NRXN1: variants seen among roughly 807,000 people sequenced by gnomAD.
NRXN1 encodes the protein neurexin-1.
In NRXN1, 39 loss-of-function variants were observed where a neutral mutation model predicts 150.9. The ratio of observed to expected loss-of-function variants is 0.26; its 90% CI spans 0.20 to 0.34. The LOEUF (loss-of-function observed/expected upper bound fraction) is 0.34, where lower values mean the gene tolerates loss of function less well. Ranked by LOEUF, NRXN1 falls within the 10% of genes least tolerant of loss-of-function variation. NRXN1 has a pLI of 1.00. For missense variants in NRXN1, 1,815 were observed against 1,949.9 expected (o/e 0.93, Z 1.30); for synonymous variants, 924 against 757.0 (o/e 1.22, Z -3.62).
chr2:49,924,360 A>AT (rs1394700742), intron 22 of NRXN1, among the ~76,000 whole-genome samples: 1 of 152,202 alleles, frequency 6.6e-6, no homozygotes, highest in African/African-American at 2.4e-5. Context: ...AAATTTGAGA[A>AT]TTTTAATGGA....
At chr2:50,095,511 A>G (rs1014749438) in intron 18 of NRXN1, among the ~76,000 whole-genome samples, 15 of 152,198 alleles carry the variant, frequency 9.9e-5, no homozygotes, top group Non-Finnish European at 1.9e-4. Flanking sequence ...GCCTATTTTC[A>G]TCAGAGTATT....
intron 17 of NRXN1, among the ~76,000 whole-genome samples, chr2:50,454,681 C>T (rs1240938705): frequency 5.3e-5 from 8 of 151,572 alleles, no homozygotes; most frequent in Non-Finnish European, 1.0e-4. Context: ...CACACACACA[C>T]ACACACACAC....
At chr2:50,609,170 G>T (rs1677619340) in intron 8 of NRXN1, among the ~76,000 whole-genome samples, 1 of 152,130 alleles carries the variant, frequency 6.6e-6, no homozygotes, top group East Asian at 1.9e-4. Context: ...AAAGCTCTTA[G>T]AACAATTAAA....
chr2:50,866,362 C>T (rs1035528855), intron 5 of NRXN1, among the ~76,000 whole-genome samples: 9 of 151,826 alleles, frequency 5.9e-5, no homozygotes, highest in African/African-American at 1.4e-4. Flanking sequence ...TACTATCTTA[C>T]GACAGCTTTT....
intron 2 of NRXN1, among the ~76,000 whole-genome samples, chr2:50,994,169 C>G (rs1698945017): frequency 3.3e-5 from 5 of 151,962 alleles, no homozygotes; most frequent in Admixed American, 3.3e-4. Context: ...ATAATCCAAT[C>G]AGTCTTATAG....
At chr2:50,401,982 A>T (rs2082419714) in intron 17 of NRXN1, among the ~76,000 whole-genome samples, 1 of 152,096 alleles carries the variant, frequency 6.6e-6, no homozygotes, top group Non-Finnish European at 1.5e-5. Flanking sequence ...GAAAAATCCC[A>T]GTAGAGTGAA....
intron 17 of NRXN1, among the ~76,000 whole-genome samples, chr2:50,261,241 G>C (rs1177798530): frequency 6.6e-6 from 1 of 151,622 alleles, no homozygotes; most frequent in Non-Finnish European, 1.5e-5. Flanking sequence ...CATTACCCTA[G>C]GCCAAATTTG....
rs1190594569 is a variant in NRXN1, at chr2:51,028,015, C to T, written c.259G>A (p.Gly87Ser). The change falls in exon 2 of 23, where the codon GGC becomes AGC. Residue 87 changes from glycine (G) to serine (S), a missense_variant. Gly to Ser is a moderately conservative substitution (Grantham distance 56). Transcript: ENST00000401669. ...DFLELILTRGGRLQLSFSIFC... is the reference protein window; with the variant it reads ...DFLELILTRGSRLQLSFSIFC... ...ATGGAGAAGCTGAGCTGCAGGCGGC[C>T]GCCGCGCGTCAGAATCAGCTCCAGG... The T allele has an allele frequency of 1.3e-6, 2 of 1,599,322 alleles. No individual in the cohort carries two copies. Among genetic ancestry groups the T allele is most frequent in the Non-Finnish European group, 1.7e-6 (2 of 1,177,684 alleles).
intron 21 of NRXN1, among the ~76,000 whole-genome samples, chr2:50,011,248 A>G (rs1685614171): frequency 6.6e-6 from 1 of 152,160 alleles, no homozygotes; most frequent in African/African-American, 2.4e-5. Context: ...ATTAAATGCA[A>G]TGTCTTTTTA....
At chr2:50,800,554 G>GA (rs1250982494) in intron 5 of NRXN1, among the ~76,000 whole-genome samples, 1 of 151,888 alleles carries the variant, frequency 6.6e-6, no homozygotes, top group Admixed American at 6.6e-5. Flanking sequence ...AATTAATAAT[G>GA]AATTTTTTTT....
chr2:50,183,754 T>C (rs1322796828), intron 18 of NRXN1, among the ~76,000 whole-genome samples: 1 of 151,246 alleles, frequency 6.6e-6, no homozygotes, highest in East Asian at 1.9e-4. Context: ...CAAAGGATTA[T>C]TTGGCTCAAC....
chr2:50,191,825 T>C (rs2061464456), intron 18 of NRXN1, among the ~76,000 whole-genome samples: 2 of 152,216 alleles, frequency 1.3e-5, no homozygotes, highest in South Asian at 4.1e-4. Context: ...ACACTGTGCA[T>C]AACACATTTT....
chr2:50,250,948 G>A (rs2681994), intron 17 of NRXN1, among the ~76,000 whole-genome samples: 1 of 148,474 alleles, frequency 6.7e-6, no homozygotes, highest in Non-Finnish European at 1.5e-5. Flanking sequence ...ATTACATATG[G>A]CATATGTAAT....
chr2:50,619,002 C>T (rs1448514792), intron 8 of NRXN1: 2 of 152,030 alleles, frequency 1.3e-5, no homozygotes, highest in Non-Finnish European at 2.9e-5. Context: ...TATACATCCA[C>T]ATACTGGGCA....
chr2:50,823,090 C>A (rs1402160147), intron 5 of NRXN1, among the ~76,000 whole-genome samples: 1 of 152,106 alleles, frequency 6.6e-6, no homozygotes, highest in Non-Finnish European at 1.5e-5. Flanking sequence ...ATTACGATTC[C>A]AGGAACCTCT....
intron 18 of NRXN1, among the ~76,000 whole-genome samples, chr2:50,117,548 G>A (rs1375225366): frequency 6.6e-6 from 1 of 152,082 alleles, no homozygotes; most frequent in Non-Finnish European, 1.5e-5. Flanking sequence ...CTATAATACA[G>A]AATAGACAAA....
intron 5 of NRXN1, among the ~76,000 whole-genome samples, chr2:50,816,519 G>T (rs1009341435): frequency 6.6e-6 from 1 of 152,064 alleles, no homozygotes; most frequent in Non-Finnish European, 1.5e-5. Context: ...AACTTGACAT[G>T]GTTAAAAAGC....
In NRXN1 at chr2:50,620,199, C is replaced by T; in HGVS notation, c.1159-16G>A. 1 of 1,612,640 alleles carries T rather than the reference C, an allele frequency of 6.2e-7. No individual in the cohort carries two copies. Among genetic ancestry groups the T allele is most frequent in the South Asian group, 1.1e-5 (1 of 90,910 alleles). On this transcript the variant is annotated splice_polypyrimidine_tract_variant and intron_variant, in intron 7 of 22. Coordinates refer to ENST00000401669, the MANE Select transcript of NRXN1 (RefSeq NM_001330078.2). ...ATATTGTCACCTAGATAACAAAGCACAGGGAAAGGACACGCTATACTCAGA... is the reference window on the plus strand; with the variant it reads ...ATATTGTCACCTAGATAACAAAGCATAGGGAAAGGACACGCTATACTCAGA...
chr2:50,175,589 T>C (rs963423875), intron 18 of NRXN1, among the ~76,000 whole-genome samples: 2 of 151,844 alleles, frequency 1.3e-5, no homozygotes, highest in Non-Finnish European at 2.9e-5. Context: ...GTGGATAGAA[T>C]ATACACACAT....
Sources: allele counts gnomAD v4.1 joint callset (sites outside exome capture counted in the v4.1 genomes callset), GRCh38; gene constraint gnomAD v4.1.1; transcripts MANE v1.5; gene names NCBI Gene and HGNC (gene_info 2026-07-23, HGNC 2026-07-21).